Variants in IL1RAPL1 observed in about 807,000 individuals in gnomAD.
The protein encoded by IL1RAPL1 is interleukin-1 receptor accessory protein-like 1.
Under a neutral mutation model 48.4 loss-of-function variants are expected in IL1RAPL1, and 3 were observed. That is an observed-to-expected ratio of 0.06 (90% CI 0.03 to 0.16). The LOEUF is 0.16. Among genes scored for constraint, IL1RAPL1 ranks in the 10% least tolerant of loss-of-function variants. IL1RAPL1 has a pLI of 1.00. For synonymous variants in IL1RAPL1, 185 were observed against 187.7 expected, an observed-to-expected ratio of 0.99 and a Z score of 0.12; for missense variants, 349 against 530.6, an observed-to-expected ratio of 0.66 and a Z score of 3.36.
chrX:29,065,943 T>G (rs1487484043), intron 2 of IL1RAPL1, among the ~76,000 whole-genome samples: 3 of 112,117 alleles, frequency 2.7e-5, no homozygotes, highest in Non-Finnish European at 3.8e-5. Flanking sequence ...TTTACTTCTT[T>G]AAATATGGTC....
chrX:29,926,012 CT>C (rs750562613), intron 8 of IL1RAPL1, among the ~76,000 whole-genome samples: 161 of 100,866 alleles, frequency 1.6e-3, no homozygotes, highest in Admixed American at 3.2e-3. Flanking sequence ...GTTTTGAAGG[CT>C]TTTTTTTTTT....
intron 5 of IL1RAPL1, among the ~76,000 whole-genome samples, chrX:29,423,438 GA>G (rs1377914659): frequency 5.3e-5 from 6 of 112,237 alleles, no homozygotes; most frequent in Admixed American, 9.5e-5. Flanking sequence ...CTTCTAAATT[GA>G]TTGAGACTTG....
intron 1 of IL1RAPL1, among the ~76,000 whole-genome samples, chrX:28,774,186 T>A (rs896547016): frequency 3.6e-5 from 4 of 111,727 alleles, no homozygotes; most frequent in African/African-American, 1.3e-4. Context: ...CTGCATTGAG[T>A]TTTTTGGCTT....
intron 5 of IL1RAPL1, among the ~76,000 whole-genome samples, chrX:29,598,464 A>G (rs1309470687): frequency 2.7e-5 from 3 of 111,723 alleles, no homozygotes; most frequent in East Asian, 5.6e-4. Context: ...TATCTTGGAG[A>G]ATGTTCCATG....
rs147955401 is a variant in IL1RAPL1 at position 29,150,501 on chromosome X, C to G, written c.83-132437C>G. On this transcript the variant is annotated intron_variant, in intron 2 of 10. Transcript: ENST00000378993. Reference sequence around the variant, plus strand: ...AGGCCAAGATGGGGACAAGGGGAACCATGACCCCAAAAGCAAATAAAGCAT... The same window carrying G: ...AGGCCAAGATGGGGACAAGGGGAACGATGACCCCAAAAGCAAATAAAGCAT... Among the ~76,000 whole-genome samples the G allele has an allele frequency of 2.3e-3, 252 of 111,370 alleles. 2 individuals are homozygous for G. The highest frequency in any genetic ancestry group is 7.9e-3 in the African/African-American group (243 of 30,678).
chrX:29,147,941 T>C (rs1929382780), intron 2 of IL1RAPL1, among the ~76,000 whole-genome samples: 1 of 111,887 alleles, frequency 8.9e-6, no homozygotes, highest in African/African-American at 3.2e-5. Flanking sequence ...ATGTAAGATA[T>C]CTTTTTGTGA....
At chrX:29,049,993 G>T (rs1303118269) in intron 2 of IL1RAPL1, among the ~76,000 whole-genome samples, 1 of 111,949 alleles carries the variant, frequency 8.9e-6, no homozygotes. Context: ...ATCCCTGTTG[G>T]ATCCATATTG....
At chrX:29,764,878 G>A (rs5972885) in intron 6 of IL1RAPL1, among the ~76,000 whole-genome samples, 12,965 of 111,025 alleles carry the variant, frequency 0.12, 717 homozygotes, top group Non-Finnish European at 0.18. Flanking sequence ...GGCCAACTCC[G>A]CTCATGCCTG....
At chrX:29,144,883 T>A (rs2147494160) in intron 2 of IL1RAPL1, among the ~76,000 whole-genome samples, 1 of 107,748 alleles carries the variant, frequency 9.3e-6, no homozygotes, top group Non-Finnish European at 1.9e-5. Context: ...CGCACCACCA[T>A]GCCTGGCTTA....
intron 2 of IL1RAPL1, among the ~76,000 whole-genome samples, chrX:29,121,196 C>G (rs756364192): frequency 8.9e-6 from 1 of 112,016 alleles, no homozygotes; most frequent in South Asian, 3.7e-4. Flanking sequence ...GATGACTCCA[C>G]TCACCACTGC....
intron 2 of IL1RAPL1, among the ~76,000 whole-genome samples, chrX:29,230,094 C>A (rs1336555911): frequency 9.0e-6 from 1 of 111,569 alleles, no homozygotes; most frequent in Non-Finnish European, 1.9e-5. Context: ...AGTTAGTCTG[C>A]ATGAGATTGA....
intron 5 of IL1RAPL1, among the ~76,000 whole-genome samples, chrX:29,658,941 T>TG (rs1429643303): frequency 8.9e-6 from 1 of 112,391 alleles, no homozygotes; most frequent in Non-Finnish European, 1.9e-5. Flanking sequence ...ACTATATTTT[T>TG]GTACATGTTA....
intron 5 of IL1RAPL1, among the ~76,000 whole-genome samples, chrX:29,558,588 G>A (rs1922083079): frequency 9.0e-6 from 1 of 111,287 alleles, no homozygotes; most frequent in South Asian, 3.7e-4. Context: ...CTATATTTTT[G>A]GAGTTATGTC....
intron 1 of IL1RAPL1, among the ~76,000 whole-genome samples, chrX:28,642,192 C>T (rs1438461400): frequency 9.0e-6 from 1 of 111,240 alleles, no homozygotes; most frequent in East Asian, 2.8e-4. Context: ...AGGAGACTTA[C>T]ACTCCCACAC....
chrX:29,407,523 G>T (rs1032924043), intron 5 of IL1RAPL1, among the ~76,000 whole-genome samples: 22 of 111,689 alleles, frequency 2.0e-4, no homozygotes, highest in Non-Finnish European at 3.6e-4. Context: ...TTTGTTGATA[G>T]ACATTAGGGC....
intron 4 of IL1RAPL1, among the ~76,000 whole-genome samples, chrX:29,398,574 G>A (rs917541554): frequency 1.1e-4 from 12 of 111,936 alleles, no homozygotes; most frequent in Admixed American, 1.0e-3. Context: ...TTGTTTCATG[G>A]ATTATAGCAT....
intron 1 of IL1RAPL1, among the ~76,000 whole-genome samples, chrX:28,610,677 A>AT (rs780040810): frequency 1.8e-5 from 2 of 111,617 alleles, no homozygotes; most frequent in South Asian, 7.7e-4. Flanking sequence ...CCCTTGTTGC[A>AT]TTTGCTGCCT....
intron 2 of IL1RAPL1, among the ~76,000 whole-genome samples, chrX:28,912,423 G>A (rs1923383976): frequency 1.8e-5 from 2 of 110,623 alleles, no homozygotes; most frequent in Admixed American, 1.9e-4. Context: ...ATTTTATTCC[G>A]GATTTTATGC....
intron 1 of IL1RAPL1, among the ~76,000 whole-genome samples, chrX:28,761,014 G>C (rs777408443): frequency 1.4e-3 from 157 of 108,431 alleles, no homozygotes; most frequent in Non-Finnish European, 2.6e-3. Context: ...TGAACCTGGG[G>C]GGGCAGAGGT....
Sources: gnomAD v4.1 joint callset for allele counts (sites outside exome capture counted in the v4.1 genomes callset) on GRCh38, gnomAD v4.1.1 for gene constraint, MANE v1.5 for transcripts, NCBI Gene and HGNC (gene_info 2026-07-23, HGNC 2026-07-21) for gene names.